The following GUF1 variants were observed in gnomAD, a reference collection of about 807,000 sequenced individuals.
GUF1 encodes GTP binding elongation factor GUF1.
Under a neutral mutation model 82.4 loss-of-function variants are expected in GUF1, and 78 were observed. The ratio of observed to expected loss-of-function variants is 0.95; its 90% CI spans 0.79 to 1.14. The LOEUF (loss-of-function observed/expected upper bound fraction) is 1.14, where lower values mean the gene tolerates loss of function less well. Ranked by LOEUF, GUF1 falls within the 50% of genes most tolerant of loss-of-function variation. GUF1 has a pLI of 0.00. For synonymous variants in GUF1, 279 were observed against 282.3 expected (o/e 0.99, Z 0.12); for missense variants, 814 against 798.2 (o/e 1.02, Z -0.24).
At position 44,681,203 on chromosome 4, in the gene GUF1, G is replaced by A. The variant is rs1714754286; in HGVS notation, c.507G>A (p.Glu169=). The change falls in exon 4 of 17, where the codon GAG becomes GAA. Residue 169 remains glutamate, a splice_region_variant and synonymous_variant. Coordinates refer to ENST00000281543, the MANE Select transcript of GUF1 (RefSeq NM_021927.3). ...TTTTACTTGTGGTTGATGCAAATGA[G>A]GTAGGTATTTTTCATTTTGTATGAT... ...QGVLLVVDAN[E]GIQAQTVANF... 1.9e-6 allele frequency: 3 copies of A among 1,604,934 alleles called. No homozygotes were observed. Among genetic ancestry groups the A allele is most frequent in the South Asian group, 2.2e-5 (2 of 90,892 alleles).
intron 3 of GUF1, 91 bp from the exon 4 acceptor site, chr4:44,681,032 C>A: frequency 2.4e-6 from 3 of 1,232,956 alleles, no homozygotes; most frequent in Non-Finnish European, 3.6e-6. Context: ...TATTTAACAG[C>A]TTTTATCAAG....
At chr4:44,694,336 TAGTAAAG>T (rs541767761) in intron 13 of GUF1, 69 bp from the exon 14 acceptor site, 128 of 847,742 alleles carry the variant, frequency 1.5e-4, no homozygotes, top group South Asian at 1.4e-3. Flanking sequence ...AGTAGACATT[TAGTAAAG>T]AGTAAAGAGT....
At chr4:44,688,349 TAAG>T (rs1005450242) in intron 9 of GUF1, among the ~76,000 whole-genome samples, 16 of 151,978 alleles carry the variant, frequency 1.1e-4, no homozygotes, top group African/African-American at 3.6e-4. Context: ...TAGGATGTGT[TAAG>T]AAATAAGTTC....
chr4:44,691,732 T>G lies in GUF1; in HGVS notation c.1546T>G (p.Phe516Val). 6.3e-7 allele frequency: 1 copy of G among 1,585,244 alleles called. No homozygotes were observed. ...DQNRVMLKYL[F>V]PLNEIVVDFY... is the part of the protein sequence containing the mutation. ...AAATAGAGTTATGCTTAAATATCTC[T>G]TTCCTTTGAATGAAATTGTGGTAGA... The change falls in exon 13 of 17, where the codon TTT (phenylalanine) becomes GTT (valine). Residue 516 changes from phenylalanine (F) to valine (V), a missense_variant. By Grantham distance (50) the Phe-to-Val change is conservative. Coordinates refer to ENST00000281543, the MANE Select transcript of GUF1 (RefSeq NM_021927.3).
intron 14 of GUF1, among the ~76,000 whole-genome samples, chr4:44,695,226 T>C (rs933888647): frequency 2.0e-4 from 31 of 152,312 alleles, no homozygotes; most frequent in African/African-American, 7.0e-4. Flanking sequence ...TGGAGTAATA[T>C]TTAGTGACAT....
Position 44,695,700 on chromosome 4 carries a change from G to C in GUF1, c.1801G>C (p.Ala601Pro). The C allele has an allele frequency of 6.2e-7, 1 of 1,613,110 alleles. No homozygotes were observed. Among genetic ancestry groups the C allele is most frequent in the Non-Finnish European group, 8.5e-7 (1 of 1,179,446 alleles). The part of the protein sequence containing the change: ...PRQLFEIAIQ[A>P]AIGSKIIARE... ...GCAACTGTTTGAGATAGCAATTCAAGCTGCTATTGGAAGTAAAATCATTGC... is the reference window on the plus strand; with the variant it reads ...GCAACTGTTTGAGATAGCAATTCAACCTGCTATTGGAAGTAAAATCATTGC... The change falls in exon 15 of 17, where the codon GCT (alanine) becomes CCT (proline). Residue 601 changes from alanine to proline, a missense_variant. Physicochemically the swap from Ala to Pro is conservative, Grantham distance 27. Transcript: ENST00000281543.
rs1315790783 is a variant in GUF1, at chr4:44,683,301, A to G, written c.652A>G (p.Ser218Gly). The change falls in exon 6 of 17, where the codon AGT (serine) becomes GGT (glycine). Residue 218 changes from serine to glycine, a missense_variant. Transcript: ENST00000281543. ...NQIEKVFDIPSDECIKISAKL... is the reference protein window; with the variant it reads ...NQIEKVFDIPGDECIKISAKL... ...AATTGAGAAAGTGTTTGATATTCCA[A>G]GTGATGAATGTATTAAGGTAAAATA... 6 of 1,576,516 alleles carry G rather than the reference A, an allele frequency of 3.8e-6. No homozygotes were observed. The highest frequency in any genetic ancestry group is 1.4e-5 in the African/African-American group (1 of 72,948).
At chr4:44,690,172 C>T (rs1288817977) in intron 11 of GUF1, among the ~76,000 whole-genome samples, 197 bp downstream of exon 11, 1 of 151,712 alleles carries the variant, frequency 6.6e-6, no homozygotes, top group Admixed American at 6.6e-5. Context: ...TTTTTGAAAA[C>T]TAATTTATGC....
chr4:44,691,903 G>GA, intron 13 of GUF1, 104 bp downstream of exon 13: 1 of 821,432 alleles, frequency 1.2e-6, no homozygotes, highest in Non-Finnish European at 1.8e-6. Flanking sequence ...CAGCTTTCTT[G>GA]AAGATAGTTG....
intron 13 of GUF1, chr4:44,694,144 A>G (rs777072405): frequency 4.8e-5 from 17 of 353,006 alleles, no homozygotes; most frequent in Non-Finnish European, 7.2e-5. Flanking sequence ...TTTGTCTTCA[A>G]TAAACCATTT....
chr4:44,686,423 C>T, intron 7 of GUF1, 87 bp from the exon 8 acceptor site: 1 of 776,636 alleles, frequency 1.3e-6, no homozygotes, highest in Non-Finnish European at 1.9e-6. Flanking sequence ...CTCAAGAACT[C>T]AAGTACAATA....
chr4:44,695,511 C>A, intron 14 of GUF1, 104 bp from the exon 15 acceptor site: 2 of 793,528 alleles, frequency 2.5e-6, no homozygotes, highest in Non-Finnish European at 3.8e-6. Flanking sequence ...TCCATTTGAA[C>A]CTCCTTAAGA....
intron 11 of GUF1, among the ~76,000 whole-genome samples, chr4:44,690,182 C>G (rs1436384889): frequency 6.6e-6 from 1 of 151,708 alleles, no homozygotes; most frequent in Non-Finnish European, 1.5e-5. Context: ...CTAATTTATG[C>G]AATATTTTTC....
chr4:44,698,650 T>G lies in GUF1; in HGVS notation c.1979T>G (p.Ile660Arg), dbSNP rs1338035762. ...GTTGAAGTTCCAAAAGATGCTTTTA[T>G]AAAAGTTCTGAAAACACAATCTTCT... Reference protein sequence around the residue: ...GNVEVPKDAFIKVLKTQSSK With the variant: ...GNVEVPKDAFRKVLKTQSSK Residue 660 changes from isoleucine (I) to arginine (R), a missense_variant, in exon 17 of 17, where the codon ATA (isoleucine) becomes AGA (arginine). By Grantham distance (97) the Ile-to-Arg change is moderately conservative. Coordinates refer to ENST00000281543, the MANE Select transcript of GUF1 (RefSeq NM_021927.3). 6.2e-7 allele frequency: 1 copy of G among 1,605,828 alleles called. No individual in the cohort carries two copies.
At chr4:44,681,921 T>C (rs1008271964) in intron 4 of GUF1, among the ~76,000 whole-genome samples, 2 of 152,126 alleles carry the variant, frequency 1.3e-5, no homozygotes, top group Admixed American at 1.3e-4. Context: ...ACATCTTTTG[T>C]TTCTCCAATG....
At position 44,698,765 on chromosome 4, in the gene GUF1, C is replaced by A; in HGVS notation, c.*84C>A. The A allele has an allele frequency of 8.1e-7, 1 of 1,241,802 alleles. No homozygotes were observed. Among genetic ancestry groups the A allele is most frequent in the Non-Finnish European group, 1.1e-6 (1 of 894,534 alleles). The allele number at this position is 1,241,802 out of a possible 1,614,324, so 76.9% of individuals were successfully genotyped here. On this transcript the variant is annotated 3_prime_UTR_variant, in exon 17 of 17. Coordinates refer to ENST00000281543, the MANE Select transcript of GUF1 (RefSeq NM_021927.3). ...AATTATAAAATTTGCTTGTTACTTT[C>A]AGGGTATTCAGGTTCAAATAACCTA... is the stretch of plus-strand genomic sequence containing the variant.
intron 8 of GUF1, 93 bp from the exon 9 acceptor site, chr4:44,687,914 G>A: frequency 8.8e-7 from 1 of 1,136,640 alleles, no homozygotes; most frequent in African/African-American, 1.6e-5. Context: ...TTTGGAAAGT[G>A]TATGATAGTT....
Position 44,691,602 on chromosome 4 carries a change from A to G in GUF1, c.1480-64A>G, listed in dbSNP as rs996124823. 5 of 1,287,100 alleles carry G rather than the reference A, an allele frequency of 3.9e-6. 1 individual carries two copies. In the South Asian group the frequency reaches 6.6e-5, roughly 17 times the overall value. The allele number at this position is 1,287,100 out of a possible 1,614,324, so 79.7% of individuals were successfully genotyped here. A position where few individuals can be genotyped will look rare whatever the true frequency, so the allele number is the denominator to read the frequency against. ...AAGTTTTTACTAGACCTTTAGAGAAATACATCATTCCTCAGTATTTGAGTA... is the reference window on the plus strand; with the variant it reads ...AAGTTTTTACTAGACCTTTAGAGAAGTACATCATTCCTCAGTATTTGAGTA... On this transcript the variant is annotated intron_variant, in intron 12 of 16. Transcript: ENST00000281543.
In GUF1 at chr4:44,697,391, A is replaced by ATTTT; in HGVS notation, c.1836-15_1836-12dup. ...ATAATGGAATTATGTACTTAAACGA[A>ATTTT]TTTTTCTCTTTTACAGTGTGAAAGC... On this transcript the variant is annotated splice_polypyrimidine_tract_variant and intron_variant, in intron 15 of 16. Coordinates refer to ENST00000281543, the MANE Select transcript of GUF1 (RefSeq NM_021927.3). The ATTTT allele has an allele frequency of 6.5e-7, 1 of 1,535,536 alleles. No individual in the cohort carries two copies. Among genetic ancestry groups the ATTTT allele is most frequent in the Non-Finnish European group, 8.9e-7 (1 of 1,125,754 alleles).
Sources: gnomAD v4.1 joint callset for allele counts (sites outside exome capture counted in the v4.1 genomes callset) on GRCh38, gnomAD v4.1.1 for gene constraint, MANE v1.5 for transcripts, NCBI Gene and HGNC (gene_info 2026-07-23, HGNC 2026-07-21) for gene names.